GLI2: variants seen among roughly 807,000 people sequenced by gnomAD.
GLI2 encodes the protein GLI family zinc finger 2, also known as transcription activator GLI2.
In GLI2, 22 loss-of-function variants were observed where a neutral mutation model predicts 78.9. The ratio of observed to expected loss-of-function variants is 0.28; its 90% CI spans 0.20 to 0.40. The LOEUF is 0.40. Among genes scored for constraint, GLI2 ranks in the 10% least tolerant of loss-of-function variants. GLI2 has a pLI of 1.00. For synonymous variants in GLI2, 974 were observed against 963.7 expected, an observed-to-expected ratio of 1.01 and a Z score of -0.20; for missense variants, 2,097 against 2,213.2, an observed-to-expected ratio of 0.95 and a Z score of 1.05.
At chr2:120,818,946 C>T (rs1429375819) in intron 2 of GLI2, among the ~76,000 whole-genome samples, 1 of 148,606 alleles carries the variant, frequency 6.7e-6, no homozygotes, top group Non-Finnish European at 1.5e-5. Context: ...TTACTGATAC[C>T]CACTTCTAGG....
chr2:120,943,003 G>A (rs1680537134), intron 3 of GLI2, among the ~76,000 whole-genome samples: 1 of 151,974 alleles, frequency 6.6e-6, no homozygotes, highest in Non-Finnish European at 1.5e-5. Context: ...CATTCATTCA[G>A]CACACACGTA....
intron 2 of GLI2, among the ~76,000 whole-genome samples, chr2:120,797,961 T>C (rs1684485043): frequency 6.6e-6 from 1 of 152,216 alleles, no homozygotes; most frequent in Non-Finnish European, 1.5e-5. Flanking sequence ...CAAAAGAGAC[T>C]ACACGAGCCA....
chr2:120,954,845 C>A (rs1351679517), intron 4 of GLI2, among the ~76,000 whole-genome samples: 1 of 152,216 alleles, frequency 6.6e-6, no homozygotes, highest in Admixed American at 6.5e-5. Context: ...ACAGACTGAC[C>A]TGGCCCAGCC....
intron 9 of GLI2, among the ~76,000 whole-genome samples, chr2:120,976,017 A>G (rs1468530044): frequency 6.6e-6 from 1 of 152,032 alleles, no homozygotes; most frequent in Non-Finnish European, 1.5e-5. Flanking sequence ...TGTTCCCCAC[A>G]CCAGCCCTGA....
At chr2:120,940,061 A>G (rs750963999) in intron 3 of GLI2, among the ~76,000 whole-genome samples, 1 of 152,152 alleles carries the variant, frequency 6.6e-6, no homozygotes, top group Non-Finnish European at 1.5e-5. Context: ...ATGGGCCACT[A>G]ATGTTTCCTT....
rs992949183 is a variant in GLI2 at position 120,800,996 on chromosome 2, G to A, written c.148+3528G>A. On this transcript the variant is annotated intron_variant, in intron 2 of 13. Transcript: ENST00000361492. The surrounding 1 kb of genome is among the most constrained non-coding windows in gnomAD (Gnocchi z 4.1). ...GATGTGGGGGCACCCTGCATTCCCC[G>A]GCAGCTCATGGCCCCTCATGCAGCC... Among the ~76,000 whole-genome samples the A allele has an allele frequency of 2.0e-5, 3 of 152,142 alleles. No homozygotes were observed. Among genetic ancestry groups the A allele is most frequent in the Admixed American group, 1.3e-4 (2 of 15,282 alleles).
At chr2:120,905,770 G>C (rs1678494379) in intron 2 of GLI2, among the ~76,000 whole-genome samples, 1 of 152,158 alleles carries the variant, frequency 6.6e-6, no homozygotes, top group South Asian at 2.1e-4. Context: ...ATTCCATCAG[G>C]ACCCAATATA....
At chr2:120,929,637 G>A (rs1301133457) in intron 3 of GLI2, among the ~76,000 whole-genome samples, 1 of 152,216 alleles carries the variant, frequency 6.6e-6, no homozygotes, top group Non-Finnish European at 1.5e-5. Flanking sequence ...TGTTCTTCCA[G>A]TTGTCCCAGA....
intron 4 of GLI2, among the ~76,000 whole-genome samples, chr2:120,954,534 A>G (rs1681148677): frequency 2.6e-5 from 4 of 152,164 alleles, no homozygotes; most frequent in Admixed American, 2.0e-4. Context: ...CACAGTGGCT[A>G]GGAGCTTGCT....
intron 2 of GLI2, among the ~76,000 whole-genome samples, chr2:120,923,354 A>G (rs1180379907): frequency 9.8e-6 from 1 of 101,934 alleles, no homozygotes; most frequent in Non-Finnish European, 2.2e-5. Flanking sequence ...CAGCAGACAC[A>G]TACCACACAG....
At chr2:120,780,717 T>A (rs1683821320) in intron 1 of GLI2, among the ~76,000 whole-genome samples, 1 of 152,170 alleles carries the variant, frequency 6.6e-6, no homozygotes, top group African/African-American at 2.4e-5. Context: ...TCCCAGCTGG[T>A]AAGTGGCAGA....
chr2:120,905,719 G>A (rs946967320), intron 2 of GLI2, among the ~76,000 whole-genome samples: 7 of 152,206 alleles, frequency 4.6e-5, no homozygotes, highest in East Asian at 3.9e-4. Flanking sequence ...CAGCAGGAAC[G>A]AACGTTCTCC....
At chr2:120,909,475 A>G (rs1159101125) in intron 2 of GLI2, among the ~76,000 whole-genome samples, 1 of 152,198 alleles carries the variant, frequency 6.6e-6, no homozygotes, top group South Asian at 2.1e-4. Flanking sequence ...CTCAAAGGAC[A>G]TTGACTTCAT....
intron 2 of GLI2, among the ~76,000 whole-genome samples, chr2:120,815,279 T>C (rs79528953): frequency 0.017 from 2,604 of 152,266 alleles, 76 homozygotes; most frequent in African/African-American, 0.059. Context: ...AAGTGTTTAC[T>C]CATAAAAAAA....
chr2:120,915,569 GT>G (rs1679058224), intron 2 of GLI2, among the ~76,000 whole-genome samples: 2 of 152,292 alleles, frequency 1.3e-5, no homozygotes, highest in African/African-American at 4.8e-5. Flanking sequence ...GGGGAAGGAG[GT>G]TTTCCATGAT....
At chr2:120,942,456 G>T (rs1162639429) in intron 3 of GLI2, among the ~76,000 whole-genome samples, 1 of 152,108 alleles carries the variant, frequency 6.6e-6, no homozygotes, top group Non-Finnish European at 1.5e-5. Flanking sequence ...ATCTTACTCT[G>T]CTGTCTAAAG....
chr2:120,896,031 C>A (rs933508361), intron 2 of GLI2, among the ~76,000 whole-genome samples: 2 of 152,170 alleles, frequency 1.3e-5, no homozygotes, highest in African/African-American at 4.8e-5. Flanking sequence ...CAGACAAGGG[C>A]CAGGGTGTCC....
chr2:120,901,493 G>A (rs142396300), intron 2 of GLI2, among the ~76,000 whole-genome samples: 18 of 152,296 alleles, frequency 1.2e-4, no homozygotes, highest in Admixed American at 7.2e-4. Flanking sequence ...GTGCTGCTCC[G>A]TGGCCTCTGC....
At chr2:120,802,092 C>T (rs1054994536) in intron 2 of GLI2, among the ~76,000 whole-genome samples, 2 of 152,154 alleles carry the variant, frequency 1.3e-5, no homozygotes, top group Admixed American at 6.5e-5. Context: ...TCCAAACAGC[C>T]AGTTATTTGA....
Sources: allele counts gnomAD v4.1 joint callset (sites outside exome capture counted in the v4.1 genomes callset), GRCh38; gene constraint gnomAD v4.1.1; non-coding constraint Gnocchi (gnomAD v3.1); transcripts MANE v1.5; gene names NCBI Gene and HGNC (gene_info 2026-07-23, HGNC 2026-07-21).